The following SPHKAP variants were observed in gnomAD, a reference collection of about 807,000 sequenced individuals.
SPHKAP encodes the protein A-kinase anchor protein SPHKAP.
SPHKAP carries 67 observed loss-of-function variants against 137.5 expected under a neutral mutation model. That is an observed-to-expected ratio of 0.49 (90% CI 0.40 to 0.60). SPHKAP has a LOEUF of 0.60. Among genes scored for constraint, SPHKAP ranks in the 20% least tolerant of loss-of-function variants. SPHKAP has a pLI of 0.00. For missense variants in SPHKAP, 2,097 were observed against 2,069.3 expected, an observed-to-expected ratio of 1.01 and a Z score of -0.26; for synonymous variants, 813 against 785.3, an observed-to-expected ratio of 1.04 and a Z score of -0.59.
At chr2:228,100,027 T>C (rs1322923340) in intron 3 of SPHKAP, among the ~76,000 whole-genome samples, 1 of 152,088 alleles carries the variant, frequency 6.6e-6, no homozygotes, top group Admixed American at 6.6e-5. Flanking sequence ...TTTTTTTGTA[T>C]TTTTAGTAGA....
chr2:227,982,779 C>T (rs1043880328), intron 11 of SPHKAP, among the ~76,000 whole-genome samples: 108 of 152,304 alleles, frequency 7.1e-4, no homozygotes, highest in African/African-American at 2.5e-3. Context: ...CTAACACTTC[C>T]GTACAATGCT....
chr2:228,116,558 A>T (rs1267336615), intron 2 of SPHKAP, among the ~76,000 whole-genome samples: 2 of 152,152 alleles, frequency 1.3e-5, no homozygotes, highest in African/African-American at 4.8e-5. Flanking sequence ...TAATTCTCTC[A>T]TAAGACTTTA....
rs117350673 is a variant in SPHKAP, at chr2:228,043,330, G to A, written c.247-15787C>T. Among the ~76,000 whole-genome samples, 34 of 151,920 alleles carry A rather than the reference G, an allele frequency of 2.2e-4. No homozygotes were observed. In the East Asian group the frequency reaches 6.6e-3, roughly 29 times the overall value. On this transcript the variant is annotated intron_variant, in intron 3 of 11. Coordinates refer to ENST00000392056, the MANE Select transcript of SPHKAP (RefSeq NM_001142644.2). ...GAGTTAGTTGAGGATGCACTTTTTC[G>A]TTTCCTTTTGTTTTGAGATGGAGTC...
At chr2:228,139,592 A>G (rs1699531565) in intron 1 of SPHKAP, among the ~76,000 whole-genome samples, 1 of 152,206 alleles carries the variant, frequency 6.6e-6, no homozygotes, top group Non-Finnish European at 1.5e-5. Flanking sequence ...TATCTTTAAA[A>G]GCTGTTTCAC....
In SPHKAP at chr2:228,019,953, G is replaced by A. The variant is rs868542240; in HGVS notation, c.901C>T (p.Pro301Ser). 6.2e-7 allele frequency: 1 copy of A among 1,614,232 alleles called. No homozygotes were observed. Reference sequence around the variant, plus strand: ...TTCCACTGTGATGGCTTGGCTGAGGGATCTAGACTCTGCAAGGCTGTGTTC... The same window carrying A: ...TTCCACTGTGATGGCTTGGCTGAGGAATCTAGACTCTGCAAGGCTGTGTTC... ...TKNTALQSLD[P>S]SAKPSQWKRE... Residue 301 changes from proline (P) to serine (S), a missense_variant, in exon 7 of 12, where the codon CCC becomes TCC. Coordinates refer to ENST00000392056, the MANE Select transcript of SPHKAP (RefSeq NM_001142644.2).
intron 3 of SPHKAP, among the ~76,000 whole-genome samples, chr2:228,040,419 C>T (rs934988150): frequency 2.0e-5 from 3 of 152,180 alleles, no homozygotes; most frequent in Admixed American, 1.3e-4. Context: ...TTTTCATCAA[C>T]GGTGTTATGC....
chr2:228,085,965 C>T (rs762244248), intron 3 of SPHKAP, among the ~76,000 whole-genome samples: 10 of 152,112 alleles, frequency 6.6e-5, no homozygotes, highest in Non-Finnish European at 1.0e-4. Flanking sequence ...AAGGATATTA[C>T]ACTACCTCTA....
At chr2:227,988,528 T>C (rs1449566824) in intron 11 of SPHKAP, among the ~76,000 whole-genome samples, 5 of 152,248 alleles carry the variant, frequency 3.3e-5, no homozygotes, top group Admixed American at 6.5e-5. Context: ...CTCTTACCCT[T>C]GTACCGAATG....
chr2:228,136,947 C>T (rs1297578073), intron 1 of SPHKAP, among the ~76,000 whole-genome samples: 3 of 152,048 alleles, frequency 2.0e-5, no homozygotes, highest in Non-Finnish European at 4.4e-5. Flanking sequence ...CTTTGGGTCT[C>T]AGCTTATAAA....
At chr2:228,138,530 C>A (rs12104602) in intron 1 of SPHKAP, among the ~76,000 whole-genome samples, 1,545 of 151,980 alleles carry the variant, frequency 0.01, 20 homozygotes, top group African/African-American at 0.036. Flanking sequence ...AATATGTCAC[C>A]AACTCATTGG....
At chr2:228,062,773 C>A (rs1574813670) in intron 3 of SPHKAP, among the ~76,000 whole-genome samples, 1 of 152,090 alleles carries the variant, frequency 6.6e-6, no homozygotes, top group South Asian at 2.1e-4. Context: ...TCATGAAGAA[C>A]CATACAGGTA....
intron 3 of SPHKAP, among the ~76,000 whole-genome samples, chr2:228,045,075 A>G (rs1156272174): frequency 7.9e-5 from 12 of 152,006 alleles, no homozygotes; most frequent in East Asian, 3.9e-4. Context: ...TTAGAATGGC[A>G]ATCATTAAAA....
rs193081243 is a variant in SPHKAP at position 228,034,594 on chromosome 2, C to A, written c.247-7051G>T. ...TACAACCAAAAAAGAGAATTTTAGACCAATATCCTTGATGAACATTGATGC... is the reference window on the plus strand; with the variant it reads ...TACAACCAAAAAAGAGAATTTTAGAACAATATCCTTGATGAACATTGATGC... On this transcript the variant is annotated intron_variant, in intron 3 of 11. Transcript: ENST00000392056. Among the ~76,000 whole-genome samples the A allele has an allele frequency of 1.1e-3, 164 of 152,256 alleles. 1 individual carries two copies. Among genetic ancestry groups the A allele is most frequent in the African/African-American group, 3.8e-3 (156 of 41,536 alleles).
chr2:228,022,604 G>C (rs937831567), intron 5 of SPHKAP, among the ~76,000 whole-genome samples: 10 of 152,290 alleles, frequency 6.6e-5, no homozygotes, highest in Middle Eastern at 3.4e-3. Flanking sequence ...TGGGTATAAA[G>C]CTGGCAAGAG....
intron 3 of SPHKAP, among the ~76,000 whole-genome samples, chr2:228,039,899 G>GAT (rs1403064020): frequency 9.9e-5 from 15 of 152,154 alleles, no homozygotes; most frequent in Non-Finnish European, 4.4e-5. Flanking sequence ...AGACTATTCT[G>GAT]ATAGTGAAAT....
rs1697638544 is a variant in SPHKAP at position 228,089,182 on chromosome 2, C to T, written c.246+19650G>A. ...AGAGAAGCCCAGGCTGAGGAGGCCT[C>T]AGATGCAAATAAGAAAGTTATTGGG... On this transcript the variant is annotated intron_variant, in intron 3 of 11. Transcript: ENST00000392056. Among the ~76,000 whole-genome samples, 5 of 152,196 alleles carry T rather than the reference C, an allele frequency of 3.3e-5. No homozygotes were observed. In the South Asian group the frequency reaches 1.0e-3, roughly 32 times the overall value.
chr2:228,008,034 T>A (rs1364981439), intron 7 of SPHKAP, among the ~76,000 whole-genome samples: 1 of 152,166 alleles, frequency 6.6e-6, no homozygotes, highest in Non-Finnish European at 1.5e-5. Context: ...TATCTTTATG[T>A]TGTTGAGTTT....
intron 3 of SPHKAP, among the ~76,000 whole-genome samples, chr2:228,061,859 A>G (rs1035637821): frequency 1.3e-5 from 2 of 152,110 alleles, no homozygotes; most frequent in Non-Finnish European, 2.9e-5. Context: ...TTTAAAGACT[A>G]AGAGCTCTTC....
intron 1 of SPHKAP, among the ~76,000 whole-genome samples, chr2:228,160,218 C>T (rs984397473): frequency 6.6e-6 from 1 of 152,162 alleles, no homozygotes; most frequent in South Asian, 2.1e-4. Context: ...CATGATTATA[C>T]AATTTAAATG....
Sources: gnomAD v4.1 joint callset for allele counts (sites outside exome capture counted in the v4.1 genomes callset) on GRCh38, gnomAD v4.1.1 for gene constraint, MANE v1.5 for transcripts, NCBI Gene and HGNC (gene_info 2026-07-23, HGNC 2026-07-21) for gene names.